Variants in FLT3 observed in about 807,000 individuals in gnomAD.
The protein encoded by FLT3 is receptor-type tyrosine-protein kinase FLT3.
In FLT3, 46 loss-of-function variants were observed where a neutral mutation model predicts 126.6. The ratio of observed to expected loss-of-function variants is 0.36; its 90% CI spans 0.29 to 0.46. The LOEUF is 0.46. FLT3 is among the 20% of genes least tolerant of loss of function. FLT3 has a pLI of 1.00. For synonymous variants in FLT3, 404 were observed against 434.4 expected (o/e 0.93, Z 0.87); for missense variants, 1,069 against 1,190.3 (o/e 0.90, Z 1.50).
chr13:28,063,946 G>C (rs1876792139), intron 2 of FLT3, among the ~76,000 whole-genome samples: 1 of 152,066 alleles, frequency 6.6e-6, no homozygotes, highest in African/African-American at 2.4e-5. Context: ...AATTGAGCTG[G>C]ATCATAAAAG....
chr13:28,062,618 C>T (rs930527440), intron 2 of FLT3, among the ~76,000 whole-genome samples: 1 of 151,676 alleles, frequency 6.6e-6, no homozygotes, highest in African/African-American at 2.4e-5. Context: ...GTGGTTGGCA[C>T]CTGTAATCCC....
rs1873645584 is a variant in FLT3, at chr13:28,034,387, C to G, written c.1618G>C (p.Asp540His). 1.2e-6 allele frequency: 2 copies of G among 1,613,694 alleles called. No homozygotes were observed. The highest frequency in any genetic ancestry group is 2.7e-5 in the African/African-American group (2 of 74,908). Residue 540 changes from aspartate (D) to histidine (H), a missense_variant, in exon 13 of 24, where the codon GAC becomes CAC. By Grantham distance (81) the Asp-to-His change is moderately conservative. Coordinates refer to ENST00000241453, the MANE Select transcript of FLT3 (RefSeq NM_004119.3). ...NSPGPFPFIQ[D>H]NISFYATIGV... ...ATTGTTGCATAGAATGAGATGTTGT[C>G]TTGGATGAAAGGGAAGGGGCCTGCA...
intron 9 of FLT3, among the ~76,000 whole-genome samples, chr13:28,044,110 C>T (rs1167671598): frequency 2.0e-5 from 3 of 150,812 alleles, no homozygotes; most frequent in African/African-American, 7.3e-5. Flanking sequence ...TGCGCCACTG[C>T]ACTCTAGCCT....
intron 1 of FLT3, among the ~76,000 whole-genome samples, chr13:28,078,761 T>G (rs1878128292): frequency 6.6e-6 from 1 of 151,550 alleles, no homozygotes; most frequent in Admixed American, 6.6e-5. Flanking sequence ...TCACCCAGGC[T>G]GGAGTACAGT....
intron 17 of FLT3, among the ~76,000 whole-genome samples, chr13:28,025,566 G>C (rs1872724528): frequency 6.6e-6 from 1 of 152,074 alleles, no homozygotes. Context: ...CATATCTTTA[G>C]GAAATGGCTT....
At chr13:28,034,767 C>A (rs1873678426) in intron 12 of FLT3, among the ~76,000 whole-genome samples, 1 of 152,106 alleles carries the variant, frequency 6.6e-6, no homozygotes, top group South Asian at 2.1e-4. Context: ...CCAGCCCAGG[C>A]AACACAGTGA....
chr13:28,093,679 A>AT (rs1226282027), intron 1 of FLT3, among the ~76,000 whole-genome samples: 1 of 152,158 alleles, frequency 6.6e-6, no homozygotes, highest in Non-Finnish European at 1.5e-5. Context: ...CTCTTCCAGT[A>AT]TGACTCTGGC....
chr13:28,036,070 C>T, intron 10 of FLT3, 27 bp from the exon 11 acceptor site: 1 of 1,581,452 alleles, frequency 6.3e-7, no homozygotes, highest in Non-Finnish European at 8.7e-7. Flanking sequence ...GTGAAATAAG[C>T]TCACTGGCTG....
intron 23 of FLT3, among the ~76,000 whole-genome samples, chr13:28,012,264 G>C (rs1452742503): frequency 6.6e-6 from 1 of 152,144 alleles, no homozygotes; most frequent in East Asian, 1.9e-4. Flanking sequence ...GCATGGATAT[G>C]TTGCCATTCA....
intron 1 of FLT3, among the ~76,000 whole-genome samples, chr13:28,089,757 T>A (rs532786485): frequency 6.7e-6 from 1 of 150,146 alleles, no homozygotes; most frequent in Admixed American, 6.7e-5. Context: ...TTTTTTGAGA[T>A]GGAGTCTTGC....
chr13:28,094,786 C>G (rs1025405790), intron 1 of FLT3, among the ~76,000 whole-genome samples: 13 of 152,164 alleles, frequency 8.5e-5, no homozygotes, highest in Non-Finnish European at 1.8e-4. Flanking sequence ...CAGGTGTGAA[C>G]CACTGCACTC....
intron 1 of FLT3, among the ~76,000 whole-genome samples, chr13:28,085,072 C>T (rs954534699): frequency 2.0e-5 from 3 of 151,254 alleles, no homozygotes; most frequent in Admixed American, 6.6e-5. Context: ...CAAGCCGGGG[C>T]GGTGGCTCAC....
intron 9 of FLT3, among the ~76,000 whole-genome samples, chr13:28,047,456 TC>T (rs912852679): frequency 3.3e-5 from 5 of 152,154 alleles, no homozygotes; most frequent in Admixed American, 2.6e-4. Flanking sequence ...ACGCCTGTAA[TC>T]CCAGCACTTT....
chr13:28,069,638 C>T (rs1323612822), intron 2 of FLT3, among the ~76,000 whole-genome samples: 1 of 152,124 alleles, frequency 6.6e-6, no homozygotes, highest in African/African-American at 2.4e-5. Context: ...CAACCAACCA[C>T]AGATTGAAAA....
chr13:28,014,637 C>T, intron 22 of FLT3, 80 bp from the exon 23 acceptor site: 2 of 939,654 alleles, frequency 2.1e-6, no homozygotes, highest in South Asian at 1.4e-5. Flanking sequence ...TAATGAAGCA[C>T]CATTTATTCC....
At chr13:28,019,129 A>G (rs2137627092) in intron 19 of FLT3, among the ~76,000 whole-genome samples, 1 of 152,050 alleles carries the variant, frequency 6.6e-6, no homozygotes, top group African/African-American at 2.4e-5. Context: ...CACCAGGCCC[A>G]GCTAATTTTG....
chr13:28,087,721 T>C lies in FLT3; in HGVS notation c.43+12747A>G, dbSNP rs532756496. On this transcript the variant is annotated intron_variant, in intron 1 of 23. Transcript: ENST00000241453. ...TTCTCTGTTTACGTTATTTGGTCTT[T>C]TTTGCTCTGTTCATTTTGGATAGTT... Among the ~76,000 whole-genome samples, 22 of 152,292 alleles carry C rather than the reference T, an allele frequency of 1.4e-4. No individual in the cohort carries two copies. In the East Asian group the frequency reaches 4.2e-3, roughly 29 times the overall value.
At chr13:28,068,834 C>T (rs1355069909) in intron 2 of FLT3, among the ~76,000 whole-genome samples, 2 of 152,176 alleles carry the variant, frequency 1.3e-5, no homozygotes, top group Non-Finnish European at 1.5e-5. Flanking sequence ...ACCTTGGCCT[C>T]CCAAAGTGCT....
intron 20 of FLT3, among the ~76,000 whole-genome samples, chr13:28,015,919 G>A (rs891897540): frequency 4.6e-5 from 7 of 152,006 alleles, no homozygotes; most frequent in African/African-American, 1.4e-4. Context: ...AACTCCTCTC[G>A]AACAAAGGCT....
Sources: gnomAD v4.1 joint callset for allele counts (sites outside exome capture counted in the v4.1 genomes callset) on GRCh38, gnomAD v4.1.1 for gene constraint, MANE v1.5 for transcripts, NCBI Gene and HGNC (gene_info 2026-07-23, HGNC 2026-07-21) for gene names.